The following CC2D2A variants were observed in gnomAD, a reference collection of about 807,000 sequenced individuals.
CC2D2A encodes the protein coiled-coil and C2 domain-containing protein 2A.
In CC2D2A, 155 loss-of-function variants were observed where a neutral mutation model predicts 212.9. The ratio of observed to expected loss-of-function variants is 0.73; its 90% CI spans 0.64 to 0.83. The LOEUF (loss-of-function observed/expected upper bound fraction) is 0.83, where lower values mean the gene tolerates loss of function less well. Ranked by LOEUF, CC2D2A falls within the 40% of genes least tolerant of loss-of-function variation. CC2D2A has a pLI of 0.00. For missense variants in CC2D2A, 1,856 were observed against 1,956.2 expected, an observed-to-expected ratio of 0.95 and a Z score of 0.97; for synonymous variants, 667 against 686.5, an observed-to-expected ratio of 0.97 and a Z score of 0.44.
intron 21 of CC2D2A, among the ~76,000 whole-genome samples, chr4:15,558,910 A>T (rs757907299): frequency 6.6e-6 from 1 of 152,164 alleles, no homozygotes; most frequent in Non-Finnish European, 1.5e-5. Context: ...TGTGGCCTCT[A>T]TTTCTTCCTG....
At chr4:15,593,906 G>T (rs530032737) in intron 33 of CC2D2A, among the ~76,000 whole-genome samples, 2 of 152,120 alleles carry the variant, frequency 1.3e-5, no homozygotes, top group Non-Finnish European at 2.9e-5. Context: ...GAAAATTCCT[G>T]TTAAAAGGCA....
At chr4:15,530,064 C>T (rs1467491977) in intron 13 of CC2D2A, among the ~76,000 whole-genome samples, 1 of 151,788 alleles carries the variant, frequency 6.6e-6, no homozygotes, top group African/African-American at 2.4e-5. Flanking sequence ...CTCCGCCTCC[C>T]GGGTTCACGC....
At chr4:15,510,481 A>G (rs1258730959) in intron 7 of CC2D2A, among the ~76,000 whole-genome samples, 1 of 152,196 alleles carries the variant, frequency 6.6e-6, no homozygotes, top group African/African-American at 2.4e-5. Flanking sequence ...CTGTGGTCCA[A>G]GCTACCTGGG....
At chr4:15,477,068 C>T (rs147110726) in intron 2 of CC2D2A, among the ~76,000 whole-genome samples, 12,073 of 151,968 alleles carry the variant, frequency 0.079, 709 homozygotes, top group Admixed American at 0.19. Flanking sequence ...TTTGGGAGGC[C>T]GAGGCAGGTG....
intron 36 of CC2D2A, among the ~76,000 whole-genome samples, chr4:15,600,494 A>G (rs944831658): frequency 6.6e-6 from 1 of 152,124 alleles, no homozygotes; most frequent in African/African-American, 2.4e-5. Context: ...CGCACATACT[A>G]CCCAAAGCAG....
At chr4:15,534,011 T>C (rs756693458) in intron 14 of CC2D2A, among the ~76,000 whole-genome samples, 2 of 152,184 alleles carry the variant, frequency 1.3e-5, no homozygotes, top group African/African-American at 2.4e-5. Flanking sequence ...TATCACTTGG[T>C]GGTGTTAATT....
rs1401600159 is a variant in CC2D2A, at chr4:15,560,286, T to C, written c.2923-245T>C. Among the ~76,000 whole-genome samples, 3 of 152,284 alleles carry C rather than the reference T, an allele frequency of 2.0e-5. No homozygotes were observed. In the East Asian group the frequency reaches 5.8e-4, roughly 29 times the overall value. ...TTGCCATCTTATATGCCGGGAACTTTACCAGGAACTCCAATATTGCAGTAA... is the reference window on the plus strand; with the variant it reads ...TTGCCATCTTATATGCCGGGAACTTCACCAGGAACTCCAATATTGCAGTAA... On this transcript the variant is annotated intron_variant, in intron 22 of 36. Coordinates refer to ENST00000424120, the MANE Select transcript of CC2D2A (RefSeq NM_001378615.1).
intron 4 of CC2D2A, among the ~76,000 whole-genome samples, chr4:15,501,139 T>A (rs974152248): frequency 2.0e-5 from 3 of 152,190 alleles, no homozygotes; most frequent in Non-Finnish European, 2.9e-5. Context: ...TTAAACTCCC[T>A]GGGTGTCTGG....
chr4:15,575,964 A>G (rs12649803), intron 29 of CC2D2A, among the ~76,000 whole-genome samples: 84,143 of 152,046 alleles, frequency 0.55, 23,532 homozygotes, highest in Admixed American at 0.66. Context: ...ACTCCTCCAC[A>G]CTAGGCATCC....
chr4:15,581,177 A>G (rs1162740024), intron 30 of CC2D2A, among the ~76,000 whole-genome samples: 2 of 152,242 alleles, frequency 1.3e-5, no homozygotes, highest in South Asian at 2.1e-4. Flanking sequence ...TTTTGTAGAT[A>G]TAGATGTATC....
At chr4:15,538,260 G>C (rs1718244130) in intron 16 of CC2D2A, 123 bp downstream of exon 16, 2 of 1,060,050 alleles carry the variant, frequency 1.9e-6, no homozygotes, top group Non-Finnish European at 2.6e-6. Context: ...AGCATCAGGA[G>C]TATCATTAAC....
intron 17 of CC2D2A, among the ~76,000 whole-genome samples, chr4:15,550,574 T>A (rs1364958348): frequency 6.6e-6 from 1 of 152,210 alleles, no homozygotes. Flanking sequence ...CGCCTGCTAC[T>A]TTGATTAGCC....
chr4:15,492,552 A>G (rs1715367979), intron 4 of CC2D2A, among the ~76,000 whole-genome samples: 1 of 151,072 alleles, frequency 6.6e-6, no homozygotes, highest in African/African-American at 2.4e-5. Flanking sequence ...TTGATTGTAC[A>G]TGACAAAGTG....
chr4:15,478,618 A>T, intron 2 of CC2D2A, 105 bp from the exon 3 acceptor site: 1 of 755,690 alleles, frequency 1.3e-6, no homozygotes, highest in Non-Finnish European at 2.2e-6. Flanking sequence ...ACTCAGCATT[A>T]CTGGATAGAA....
In CC2D2A at chr4:15,567,662, G is replaced by C. The variant is rs2109070538; in HGVS notation, c.3289-15G>C. 1 of 1,563,384 alleles carries C rather than the reference G, an allele frequency of 6.4e-7. No homozygotes were observed. The highest frequency in any genetic ancestry group is 1.2e-5 in the South Asian group (1 of 83,822). On this transcript the variant is annotated splice_polypyrimidine_tract_variant and intron_variant, in intron 25 of 36. Coordinates refer to ENST00000424120, the MANE Select transcript of CC2D2A (RefSeq NM_001378615.1). The stretch of plus-strand genomic sequence containing the variant: ...ACTAACCATTGGGAACTCAGAATTT[G>C]CTCTTGATTTTAAGGTTTTAGTACG...
chr4:15,587,543 C>T (rs114979684), intron 31 of CC2D2A, among the ~76,000 whole-genome samples: 206 of 152,232 alleles, frequency 1.4e-3, no homozygotes, highest in African/African-American at 4.6e-3. Flanking sequence ...AAAATAAAAA[C>T]GAAACTTTGA....
At chr4:15,574,585 T>G (rs868084061) in intron 29 of CC2D2A, among the ~76,000 whole-genome samples, 1 of 152,202 alleles carries the variant, frequency 6.6e-6, no homozygotes, top group South Asian at 2.1e-4. Flanking sequence ...AGACTTTTAG[T>G]CAAAGCAAGA....
chr4:15,595,962 A>G, intron 33 of CC2D2A, 123 bp from the exon 34 acceptor site: 2 of 559,068 alleles, frequency 3.6e-6, no homozygotes, highest in Non-Finnish European at 5.6e-6. Context: ...GACAAAATGT[A>G]TGCGGCCTAT....
chr4:15,570,555 A>C, intron 28 of CC2D2A, 59 bp downstream of exon 28: 1 of 1,263,454 alleles, frequency 7.9e-7, no homozygotes, highest in Non-Finnish European at 1.1e-6. Context: ...CATTTTTCCT[A>C]TTAAAACGTT....
Sources: allele counts gnomAD v4.1 joint callset (sites outside exome capture counted in the v4.1 genomes callset), GRCh38; gene constraint gnomAD v4.1.1; transcripts MANE v1.5; gene names NCBI Gene and HGNC (gene_info 2026-07-23, HGNC 2026-07-21).